HIP1: variants seen among roughly 807,000 people sequenced by gnomAD.
The protein encoded by HIP1 is huntingtin interacting protein 1.
HIP1 carries 65 observed loss-of-function variants against 147.6 expected under a neutral mutation model. The observed-to-expected ratio is 0.44, with a 90% CI of 0.36 to 0.54. The LOEUF (loss-of-function observed/expected upper bound fraction) is 0.54. Ranked by LOEUF, HIP1 falls within the 20% of genes least tolerant of loss-of-function variation. The probability of loss-of-function intolerance (pLI) is 0.00; values close to 1 mark genes in which losing one functional copy is unlikely to be tolerated. For synonymous variants in HIP1, 479 were observed against 504.0 expected, an observed-to-expected ratio of 0.95 and a Z score of 0.67; for missense variants, 1,061 against 1,299.6, an observed-to-expected ratio of 0.82 and a Z score of 2.82.
chr7:75,689,593 T>C (rs1401038519), intron 1 of HIP1, among the ~76,000 whole-genome samples: 16 of 152,200 alleles, frequency 1.1e-4, no homozygotes, highest in Admixed American at 1.0e-3. Flanking sequence ...TGTTCATAGA[T>C]ATACATTATA....
rs1213421206 is a variant in HIP1, at chr7:75,681,814, CTTT to C, written c.120+56984_120+56986del. Among the ~76,000 whole-genome samples, 8 of 151,910 alleles carry C rather than the reference CTTT, an allele frequency of 5.3e-5. No individual in the cohort carries two copies. The East Asian group carries it at 1.6e-3, about 30-fold the overall frequency. On this transcript the variant is annotated intron_variant, in intron 1 of 30. Coordinates refer to ENST00000336926, the MANE Select transcript of HIP1 (RefSeq NM_005338.7). ...CAGTGCCTGGCCAGCACCTGCTCTT[CTTT>C]ATGACTGCATCATGCTTGTCATCCC... is the stretch of plus-strand genomic sequence containing the variant.
At chr7:75,682,536 G>A (rs986797496) in intron 1 of HIP1, among the ~76,000 whole-genome samples, 2 of 151,146 alleles carry the variant, frequency 1.3e-5, no homozygotes, top group African/African-American at 4.9e-5. Context: ...CTGAGATGAC[G>A]GGATTGAGCC....
At chr7:75,654,950 G>A (rs1334376278) in intron 1 of HIP1, among the ~76,000 whole-genome samples, 1 of 152,126 alleles carries the variant, frequency 6.6e-6, no homozygotes, top group Non-Finnish European at 1.5e-5. Flanking sequence ...AGGAGTTCAA[G>A]ACAGCCTGGA....
chr7:75,567,745 G>A (rs939640217), intron 9 of HIP1, among the ~76,000 whole-genome samples: 1 of 146,480 alleles, frequency 6.8e-6, no homozygotes, highest in Non-Finnish European at 1.5e-5. Context: ...AGGTTGCAGT[G>A]AGCCGAGATC....
intron 9 of HIP1, chr7:75,563,486 A>C: frequency 1.8e-6 from 1 of 555,140 alleles, no homozygotes. Flanking sequence ...CATGCTACAA[A>C]TCCTTTGGAA....
chr7:75,627,852 G>C (rs1310657119), intron 1 of HIP1, among the ~76,000 whole-genome samples: 1 of 152,164 alleles, frequency 6.6e-6, no homozygotes, highest in African/African-American at 2.4e-5. Context: ...TGGTCAAGGG[G>C]AGCTGGGCAC....
chr7:75,538,125 G>A lies in HIP1; in HGVS notation c.*47C>T, dbSNP rs1257489740. The A allele has an allele frequency of 2.0e-6, 3 of 1,488,736 alleles. No individual in the cohort carries two copies. The highest frequency in any genetic ancestry group is 2.8e-6 in the Non-Finnish European group (3 of 1,065,992). 92.2% of individuals were successfully genotyped at this position (1,488,736 alleles called of 1,614,324 possible). On this transcript the variant is annotated 3_prime_UTR_variant, in exon 31 of 31. Coordinates refer to ENST00000336926, the MANE Select transcript of HIP1 (RefSeq NM_005338.7). ...GTGGCTGGGGAAATAACACACACGA[G>A]ATAGGTAACAAGGATTTACACTGAC...
At chr7:75,610,900 T>C (rs1797408888) in intron 1 of HIP1, among the ~76,000 whole-genome samples, 1 of 147,694 alleles carries the variant, frequency 6.8e-6, no homozygotes, top group Non-Finnish European at 1.5e-5. Flanking sequence ...ATATAAAATA[T>C]ATATATACTT....
chr7:75,583,310 C>A (rs782494189), intron 5 of HIP1, among the ~76,000 whole-genome samples: 15 of 152,098 alleles, frequency 9.9e-5, no homozygotes, highest in Non-Finnish European at 2.1e-4. Context: ...ATCGGCTCTG[C>A]ACCTAGGGCC....
intron 1 of HIP1, among the ~76,000 whole-genome samples, chr7:75,728,236 G>C (rs889412548): frequency 1.1e-4 from 17 of 152,222 alleles, no homozygotes; most frequent in African/African-American, 3.9e-4. Context: ...CAACCTTTCT[G>C]ATCCAAGAAA....
intron 1 of HIP1, among the ~76,000 whole-genome samples, chr7:75,655,713 T>C (rs1799122544): frequency 6.6e-6 from 1 of 152,056 alleles, no homozygotes; most frequent in Non-Finnish European, 1.5e-5. Flanking sequence ...CAACACAAAG[T>C]AGATTATTAG....
intron 4 of HIP1, among the ~76,000 whole-genome samples, chr7:75,590,680 A>G (rs1334673393): frequency 6.6e-6 from 1 of 152,274 alleles, no homozygotes; most frequent in Non-Finnish European, 1.5e-5. Flanking sequence ...TATTTCTAAA[A>G]CATAAAAATA....
chr7:75,634,572 G>A lies in HIP1; in HGVS notation c.121-35325C>T, dbSNP rs140133494. On this transcript the variant is annotated intron_variant, in intron 1 of 30. Transcript: ENST00000336926. ...TTTCTGAACTAATTTTCTGTAAAACGTGGCTAATCACTTCTGCCCTGCCTT... is the reference window on the plus strand; with the variant it reads ...TTTCTGAACTAATTTTCTGTAAAACATGGCTAATCACTTCTGCCCTGCCTT... Among the ~76,000 whole-genome samples, 5 of 152,236 alleles carry A rather than the reference G, an allele frequency of 3.3e-5. No individual in the cohort carries two copies. In the East Asian group the frequency reaches 5.8e-4, roughly 18 times the overall value.
At chr7:75,589,705 A>C (rs1796419408) in intron 4 of HIP1, among the ~76,000 whole-genome samples, 1 of 123,398 alleles carries the variant, frequency 8.1e-6, no homozygotes, top group Non-Finnish European at 1.6e-5. Flanking sequence ...AAAAAAAAAA[A>C]AAAAAAAAAA....
At chr7:75,554,357 C>T (rs1243028458) in intron 20 of HIP1, 83 bp downstream of exon 20, 12 of 1,321,008 alleles carry the variant, frequency 9.1e-6, no homozygotes, top group Non-Finnish European at 1.2e-5. Flanking sequence ...GCAGAGGGAC[C>T]TGTCACTATC....
chr7:75,555,443 G>A lies in HIP1; in HGVS notation c.1936C>T (p.Pro646Ser), dbSNP rs1554493053. Residue 646 changes from proline (P) to serine (S), a missense_variant, in exon 19 of 31, where the codon CCT becomes TCT. This residue lies in a region of HIP1 where 810 missense variants were observed against 946.8 expected (regional missense o/e 0.86). Transcript: ENST00000336926. ...GCAGACCCAGCGCAGCTGATGAGAG[G>A]AGGTTCTTCAAGCTGGTTCAGGGCG... ...QDALNQLEEPPLISCAGSADH... is the reference protein window; with the variant it reads ...QDALNQLEEPSLISCAGSADH... The A allele has an allele frequency of 6.2e-7, 1 of 1,613,988 alleles. No individual in the cohort carries two copies. Among genetic ancestry groups the A allele is most frequent in the Non-Finnish European group, 8.5e-7 (1 of 1,180,040 alleles).
At chr7:75,541,574 T>C (rs587768735) in intron 29 of HIP1, among the ~76,000 whole-genome samples, 1 of 151,226 alleles carries the variant, frequency 6.6e-6, no homozygotes, top group South Asian at 2.1e-4. Flanking sequence ...CGCACGTCTG[T>C]AATCCCAGCT....
intron 1 of HIP1, among the ~76,000 whole-genome samples, chr7:75,618,597 C>T (rs1797744313): frequency 6.6e-6 from 1 of 152,112 alleles, no homozygotes; most frequent in East Asian, 1.9e-4. Context: ...GTTTCCCCAG[C>T]TTTCTAACAG....
At chr7:75,560,636 T>C (rs1209305544) in intron 13 of HIP1, among the ~76,000 whole-genome samples, 3 of 152,228 alleles carry the variant, frequency 2.0e-5, no homozygotes, top group African/African-American at 7.2e-5. Context: ...AGGTCATCTC[T>C]GGGTATCAAT....
Sources: gnomAD v4.1 joint callset for allele counts (sites outside exome capture counted in the v4.1 genomes callset) on GRCh38, gnomAD v4.1.1 for gene constraint, gnomAD v4.1.1 regional missense constraint, MANE v1.5 for transcripts, NCBI Gene and HGNC (gene_info 2026-07-23, HGNC 2026-07-21) for gene names.